SH3BGR: variants seen among roughly 807,000 people sequenced by gnomAD.
SH3BGR encodes SH3 domain binding glutamate rich protein.
In SH3BGR, 29 loss-of-function variants were observed where a neutral mutation model predicts 24.5. That is an observed-to-expected ratio of 1.18 (90% confidence interval 0.88 to 1.61). SH3BGR has a LOEUF of 1.61. Among genes scored for constraint, SH3BGR ranks in the 40% most tolerant of loss-of-function variants. The pLI, the probability that SH3BGR is intolerant of heterozygous loss-of-function variation, is 0.00. For missense variants in SH3BGR, 162 were observed against 205.8 expected, an observed-to-expected ratio of 0.79 and a Z score of 1.30; for synonymous variants, 55 against 65.7, an observed-to-expected ratio of 0.84 and a Z score of 0.79.
chr21:39,459,752 T>C (rs568404844), intron 1 of SH3BGR, among the ~76,000 whole-genome samples: 48 of 151,758 alleles, frequency 3.2e-4, no homozygotes, highest in Non-Finnish European at 4.4e-5. Context: ...AGGCCCCATC[T>C]CGACAAAAAT....
At chr21:39,500,147 C>T (rs1158666345) in intron 4 of SH3BGR, among the ~76,000 whole-genome samples, 3 of 152,052 alleles carry the variant, frequency 2.0e-5, no homozygotes, top group Non-Finnish European at 4.4e-5. Flanking sequence ...AGGAGGGAGC[C>T]GGCTGGACAA....
At chr21:39,454,925 G>C (rs943355750) in intron 1 of SH3BGR, among the ~76,000 whole-genome samples, 5 of 152,182 alleles carry the variant, frequency 3.3e-5, no homozygotes, top group Non-Finnish European at 5.9e-5. Context: ...ATCTTCTTCA[G>C]TTCCCACCAA....
At chr21:39,482,074 G>A (rs2078138747) in intron 3 of SH3BGR, among the ~76,000 whole-genome samples, 1 of 152,208 alleles carries the variant, frequency 6.6e-6, no homozygotes, top group Admixed American at 6.5e-5. Context: ...AATGCTGCCT[G>A]TTGCAAACGT....
chr21:39,488,794 T>C, intron 3 of SH3BGR: 1 of 307,258 alleles, frequency 3.3e-6, no homozygotes, highest in South Asian at 3.4e-5. Context: ...TGGTGCTGAG[T>C]AGCTGGGCAC....
At chr21:39,486,829 C>T (rs1433254190) in intron 3 of SH3BGR, among the ~76,000 whole-genome samples, 1 of 152,014 alleles carries the variant, frequency 6.6e-6, no homozygotes, top group Admixed American at 6.5e-5. Flanking sequence ...CACTTTCCTG[C>T]GTCAGCCTCC....
chr21:39,453,864 G>A (rs1334759701), intron 1 of SH3BGR, among the ~76,000 whole-genome samples: 3 of 152,174 alleles, frequency 2.0e-5, no homozygotes, highest in Non-Finnish European at 1.5e-5. Flanking sequence ...GTGTTTATCA[G>A]CACTCAAGAA....
At chr21:39,464,303 A>T (rs939645187) in intron 2 of SH3BGR, among the ~76,000 whole-genome samples, 2 of 151,972 alleles carry the variant, frequency 1.3e-5, no homozygotes, top group Non-Finnish European at 2.9e-5. Flanking sequence ...GCTCACTGCA[A>T]CCTCTACCTC....
intron 4 of SH3BGR, among the ~76,000 whole-genome samples, chr21:39,506,934 T>A (rs2123537904): frequency 6.6e-6 from 1 of 152,242 alleles, no homozygotes; most frequent in African/African-American, 2.4e-5. Context: ...CTTTAGGAGC[T>A]TCCTTCAGCA....
chr21:39,466,660 G>T (rs919232004), intron 2 of SH3BGR, among the ~76,000 whole-genome samples: 1 of 152,160 alleles, frequency 6.6e-6, no homozygotes, highest in Non-Finnish European at 1.5e-5. Context: ...GAGTGAAGAT[G>T]GGGAAAAGCC....
chr21:39,509,085 G>A, intron 5 of SH3BGR, 58 bp downstream of exon 5: 2 of 1,433,450 alleles, frequency 1.4e-6, no homozygotes, highest in South Asian at 2.5e-5. Flanking sequence ...ACATCTTTTA[G>A]GTGGGAGGAT....
chr21:39,491,295 G>A (rs1341495991), intron 3 of SH3BGR, among the ~76,000 whole-genome samples: 1 of 151,650 alleles, frequency 6.6e-6, no homozygotes, highest in African/African-American at 2.4e-5. Flanking sequence ...GACTACAGGC[G>A]GGTGCCACCA....
chr21:39,479,203 T>TGGTGGTGGTGGAGGTGGTAAG (rs1194403876), intron 3 of SH3BGR, among the ~76,000 whole-genome samples: 2 of 149,108 alleles, frequency 1.3e-5, no homozygotes, highest in African/African-American at 5.0e-5. Flanking sequence ...GGCTATGTGG[T>TGGTGGTGGTGGAGGTGGTAAG]GGTGGTGGTG....
intron 1 of SH3BGR, 84 bp downstream of exon 1, chr21:39,452,225 T>C: frequency 6.5e-7 from 1 of 1,544,128 alleles, no homozygotes; most frequent in Non-Finnish European, 8.9e-7. Context: ...GGCCTTCAGT[T>C]TCTTTTTTGC....
At chr21:39,495,409 G>T (rs2078376399) in intron 3 of SH3BGR, among the ~76,000 whole-genome samples, 2 of 151,940 alleles carry the variant, frequency 1.3e-5, no homozygotes, top group South Asian at 2.1e-4. Flanking sequence ...TCTAGTAGCA[G>T]CTATCCTATT....
intron 4 of SH3BGR, among the ~76,000 whole-genome samples, chr21:39,505,433 T>C (rs1481690872): frequency 2.0e-5 from 3 of 152,184 alleles, no homozygotes; most frequent in Admixed American, 1.3e-4. Context: ...GCTAAACATA[T>C]CTTTTAAGAA....
chr21:39,471,426 A>G (rs1363844703), intron 2 of SH3BGR, among the ~76,000 whole-genome samples: 4 of 151,962 alleles, frequency 2.6e-5, no homozygotes, highest in Admixed American at 1.3e-4. Flanking sequence ...AAACAATTAA[A>G]TTAACAAAAA....
At chr21:39,463,768 T>A (rs1490314957) in intron 2 of SH3BGR, among the ~76,000 whole-genome samples, 2 of 152,210 alleles carry the variant, frequency 1.3e-5, no homozygotes, top group Non-Finnish European at 2.9e-5. Context: ...CCAAGAAGAT[T>A]TACTATCTGC....
chr21:39,510,807 A>G (rs1351722144), intron 5 of SH3BGR, among the ~76,000 whole-genome samples: 1 of 150,416 alleles, frequency 6.6e-6, no homozygotes, highest in Non-Finnish European at 1.5e-5. Context: ...TTTTGCTTCA[A>G]GAAATTAGCT....
upstream of SH3BGR, among the ~76,000 whole-genome samples, chr21:39,449,864 C>T (rs2077553352): frequency 6.6e-6 from 1 of 152,152 alleles, no homozygotes; most frequent in African/African-American, 2.4e-5. Context: ...TTATGCAAAG[C>T]ACCTAGAGCA....
Sources: gnomAD v4.1 joint callset for allele counts (sites outside exome capture counted in the v4.1 genomes callset) on GRCh38, gnomAD v4.1.1 for gene constraint, MANE v1.5 for transcripts, NCBI Gene and HGNC (gene_info 2026-07-23, HGNC 2026-07-21) for gene names.